RASSF8: variants seen among roughly 807,000 people sequenced by gnomAD.
RASSF8 encodes the protein Ras association domain family member 8.
In RASSF8, 22 loss-of-function variants were observed where a neutral mutation model predicts 48.5. The observed-to-expected ratio is 0.45, with a 90% CI of 0.32 to 0.65. The LOEUF is 0.65. Ranked by LOEUF, RASSF8 falls within the 30% of genes least tolerant of loss-of-function variation. The pLI is 0.03. For synonymous variants in RASSF8, 127 were observed against 171.5 expected, an observed-to-expected ratio of 0.74 and a Z score of 2.03; for missense variants, 418 against 489.2, an observed-to-expected ratio of 0.85 and a Z score of 1.37.
In RASSF8 at chr12:26,004,564, G is replaced by A. The variant is rs114351183; in HGVS notation, c.-109+9434G>A. The stretch of plus-strand genomic sequence containing the variant: ...TACACTGTCAATTAACACATATTTT[G>A]TATGTTATATGTATTATATACTGTA... On this transcript the variant is annotated intron_variant, in intron 2 of 5. Transcript: ENST00000689635. Among the ~76,000 whole-genome samples, 1,447 of 152,166 alleles carry A rather than the reference G, an allele frequency of 9.5e-3. 18 individuals carry two copies. The highest frequency in any genetic ancestry group is 0.032 in the African/African-American group (1,328 of 41,504).
intron 1 of RASSF8, among the ~76,000 whole-genome samples, chr12:25,965,142 C>T (rs1301988052): frequency 6.6e-6 from 1 of 152,032 alleles, no homozygotes; most frequent in African/African-American, 2.4e-5. Context: ...CAGGATTTAC[C>T]ATGTTAGCCA....
downstream of RASSF8, among the ~76,000 whole-genome samples, chr12:26,073,776 C>CACACACACACACACACAT (rs1244639136): frequency 1.0e-4 from 12 of 115,260 alleles, no homozygotes; most frequent in African/African-American, 3.8e-4. Flanking sequence ...CACACACACA[C>CACACACACACACACACAT]ATATATATAT....
Position 26,071,323 on chromosome 12 carries a change from T to C in RASSF8, c.*2505T>C. 1 of 974,720 alleles carries C rather than the reference T, an allele frequency of 1.0e-6. No individual in the cohort carries two copies. The highest frequency in any genetic ancestry group is 6.2e-5 in the Admixed American group (1 of 16,258). The allele number at this position is 974,720 out of a possible 1,614,324, so 60.4% of individuals were successfully genotyped here. A position where few individuals can be genotyped will look rare whatever the true frequency, so the allele number is the denominator to read the frequency against. ...TTCGGAGGGGTAGTGGGCAATGGTA[T>C]ACAAAAATACCAAATATAAAATTTT... On this transcript the variant is annotated 3_prime_UTR_variant, in exon 6 of 6. Coordinates refer to ENST00000689635, the MANE Select transcript of RASSF8 (RefSeq NM_001394098.1).
chr12:26,061,616 T>G (rs1943744747), intron 3 of RASSF8, among the ~76,000 whole-genome samples: 1 of 152,176 alleles, frequency 6.6e-6, no homozygotes, highest in Non-Finnish European at 1.5e-5. Context: ...ATCAAAATAG[T>G]ACAGAAGGTT....
chr12:25,976,148 A>G (rs2136884668), intron 1 of RASSF8, among the ~76,000 whole-genome samples: 1 of 152,312 alleles, frequency 6.6e-6, no homozygotes, highest in East Asian at 1.9e-4. Flanking sequence ...GTTTCATGCC[A>G]ACTTCCTAGA....
At chr12:25,962,652 G>A (rs1941264426) in intron 1 of RASSF8, among the ~76,000 whole-genome samples, 1 of 151,562 alleles carries the variant, frequency 6.6e-6, no homozygotes, top group African/African-American at 2.4e-5. Context: ...TTAAACTCCT[G>A]GCCTCAAGTG....
intron 2 of RASSF8, among the ~76,000 whole-genome samples, chr12:26,043,373 A>G (rs1297788217): frequency 6.6e-6 from 1 of 152,204 alleles, no homozygotes; most frequent in Admixed American, 6.5e-5. Context: ...GGTAGAGGGG[A>G]ACTGGGAGAG....
At chr12:25,976,831 T>C (rs1343664818) in intron 1 of RASSF8, among the ~76,000 whole-genome samples, 1 of 152,190 alleles carries the variant, frequency 6.6e-6, no homozygotes, top group Non-Finnish European at 1.5e-5. Context: ...CTCTTCCCCC[T>C]GCTGCGTTAA....
intron 1 of RASSF8, among the ~76,000 whole-genome samples, chr12:25,990,473 A>G (rs1465214466): frequency 6.6e-6 from 1 of 152,208 alleles, no homozygotes; most frequent in African/African-American, 2.4e-5. Flanking sequence ...ATAAATAATT[A>G]ATTTTGGTAT....
At chr12:25,983,827 A>AC (rs1181763125) in intron 1 of RASSF8, among the ~76,000 whole-genome samples, 1 of 152,176 alleles carries the variant, frequency 6.6e-6, no homozygotes, top group African/African-American at 2.4e-5. Flanking sequence ...CAGTGTAGAC[A>AC]CCATGCAGTC....
intron 2 of RASSF8, among the ~76,000 whole-genome samples, chr12:26,012,201 TG>T (rs1212223421): frequency 1.3e-5 from 2 of 152,196 alleles, no homozygotes; most frequent in Non-Finnish European, 2.9e-5. Context: ...GTTCCTCTTC[TG>T]AAAAGCAGAA....
intron 2 of RASSF8, among the ~76,000 whole-genome samples, chr12:26,046,823 A>G (rs58178281): frequency 0.11 from 16,502 of 152,230 alleles, 954 homozygotes; most frequent in Middle Eastern, 0.15. Flanking sequence ...AAGGAGAAAT[A>G]TCACAGATAT....
intron 1 of RASSF8, among the ~76,000 whole-genome samples, chr12:25,964,966 G>A (rs1021387229): frequency 3.3e-5 from 5 of 151,342 alleles, no homozygotes; most frequent in African/African-American, 1.2e-4. Context: ...TTTTTGAGAC[G>A]GAGTCTTGCT....
intron 2 of RASSF8, among the ~76,000 whole-genome samples, chr12:26,014,791 G>A (rs76058097): frequency 6.6e-6 from 1 of 152,098 alleles, no homozygotes; most frequent in African/African-American, 2.4e-5. Context: ...AAAACTCTGT[G>A]ATATGGCTGT....
At chr12:26,031,476 G>A (rs1943029295) in intron 2 of RASSF8, among the ~76,000 whole-genome samples, 1 of 152,170 alleles carries the variant, frequency 6.6e-6, no homozygotes, top group South Asian at 2.1e-4. Flanking sequence ...TTCTGCCACA[G>A]GCCCAGTAGA....
chr12:25,977,239 T>A (rs2136889561), intron 1 of RASSF8, among the ~76,000 whole-genome samples: 1 of 152,174 alleles, frequency 6.6e-6, no homozygotes, highest in East Asian at 1.9e-4. Flanking sequence ...TTATTACCAG[T>A]GAATGCACGC....
chr12:26,003,292 C>T (rs1389515888), intron 2 of RASSF8, among the ~76,000 whole-genome samples: 1 of 152,174 alleles, frequency 6.6e-6, no homozygotes. Context: ...CCTTGCATGC[C>T]TGATATAAAA....
chr12:26,026,496 C>T (rs1034983860), intron 2 of RASSF8, among the ~76,000 whole-genome samples: 2 of 152,022 alleles, frequency 1.3e-5, no homozygotes, highest in Non-Finnish European at 2.9e-5. Context: ...AGTGCAGTGG[C>T]GTGATCTCAG....
intron 2 of RASSF8, among the ~76,000 whole-genome samples, chr12:26,004,107 G>T (rs925994485): frequency 2.6e-5 from 4 of 152,162 alleles, no homozygotes; most frequent in African/African-American, 9.7e-5. Flanking sequence ...AGCCTGGGAG[G>T]TCAAGGCTGC....
Sources: gnomAD v4.1 joint callset for allele counts (sites outside exome capture counted in the v4.1 genomes callset) on GRCh38, gnomAD v4.1.1 for gene constraint, MANE v1.5 for transcripts, NCBI Gene and HGNC (gene_info 2026-07-23, HGNC 2026-07-21) for gene names.